The following JARID2 variants were observed in gnomAD, a reference collection of about 807,000 sequenced individuals.
JARID2 encodes the protein jumonji and AT-rich interaction domain containing 2, also known as protein Jumonji.
Under a neutral mutation model 125.6 loss-of-function variants are expected in JARID2, and 21 were observed. The ratio of observed to expected loss-of-function variants is 0.17; its 90% CI spans 0.12 to 0.24. The LOEUF (loss-of-function observed/expected upper bound fraction) is 0.24. JARID2 is among the 10% of genes least tolerant of loss of function. JARID2 has a pLI of 1.00. For synonymous variants in JARID2, 736 were observed against 661.6 expected, an observed-to-expected ratio of 1.11 and a Z score of -1.73; for missense variants, 1,303 against 1,639.6, an observed-to-expected ratio of 0.79 and a Z score of 3.55.
At position 15,469,304 on chromosome 6, in the gene JARID2, GTCTCTC is replaced by G. The variant is rs71897623; in HGVS notation, c.670+594_670+599del. ...TCTCTGTCTCTGTCTCTCTGTCTCT[GTCTCTC>G]TCTCTCTGTCTCTCTCTCTCTCTCT... is the stretch of plus-strand genomic sequence containing the variant. On this transcript the variant is annotated intron_variant, in intron 5 of 17. Transcript: ENST00000341776. Among the ~76,000 whole-genome samples the G allele has an allele frequency of 3.5e-3, 193 of 55,866 alleles. 1 individual carries two copies. The highest frequency in any genetic ancestry group is 0.016 in the African/African-American group (181 of 11,018). 36.7% of individuals were successfully genotyped at this position (55,866 alleles called of 152,430 possible).
chr6:15,498,158 C>T, intron 7 of JARID2, among the ~76,000 whole-genome samples: 1 of 152,210 alleles, frequency 6.6e-6, no homozygotes, highest in East Asian at 1.9e-4. Context: ...TTTTATCCTG[C>T]TCAGCCTTGT....
chr6:15,438,994 T>G (rs962650518), intron 3 of JARID2, among the ~76,000 whole-genome samples: 3 of 147,002 alleles, frequency 2.0e-5, no homozygotes, highest in African/African-American at 7.6e-5. Flanking sequence ...ATCACGCCAC[T>G]GCACTCCAGC....
Position 15,520,180 on chromosome 6 carries a change from G to C in JARID2, c.3670G>C (p.Ala1224Pro). The change falls in exon 18 of 18, where the codon GCG (alanine) becomes CCG (proline). Residue 1224 changes from alanine (A) to proline (P), a missense_variant. Ala to Pro is a conservative substitution (Grantham distance 27, BLOSUM62 -1). Coordinates refer to ENST00000341776, the MANE Select transcript of JARID2 (RefSeq NM_004973.4). ...ACCAAAAAGAGGTCCCCGCAAGAGA[G>C]CGACAGTGGACGTGCCCCCCTCCCG... The part of the protein sequence containing the change: ...PTPKRGPRKR[A>P]TVDVPPSRLS... The C allele has an allele frequency of 1.9e-6, 3 of 1,614,018 alleles. No homozygotes were observed. The highest frequency in any genetic ancestry group is 2.5e-6 in the Non-Finnish European group (3 of 1,179,974).
At chr6:15,295,505 G>C (rs1282592228) in intron 1 of JARID2, among the ~76,000 whole-genome samples, 1 of 152,140 alleles carries the variant, frequency 6.6e-6, no homozygotes, top group East Asian at 1.9e-4. Context: ...ACGGAAAACA[G>C]TGGTTCAGCA....
At chr6:15,326,536 C>T (rs1762539734) in intron 1 of JARID2, among the ~76,000 whole-genome samples, 1 of 152,300 alleles carries the variant, frequency 6.6e-6, no homozygotes, top group Middle Eastern at 3.4e-3. Flanking sequence ...GATTCTGGCT[C>T]TGTAACCCAG....
intron 17 of JARID2, among the ~76,000 whole-genome samples, chr6:15,518,424 A>ACT (rs1389126538): frequency 6.6e-6 from 1 of 151,982 alleles, no homozygotes; most frequent in Non-Finnish European, 1.5e-5. Context: ...GAAACTGCAT[A>ACT]CTCTGTAGTG....
At chr6:15,319,041 A>G (rs1375839681) in intron 1 of JARID2, among the ~76,000 whole-genome samples, 1 of 152,238 alleles carries the variant, frequency 6.6e-6, no homozygotes, top group African/African-American at 2.4e-5. Flanking sequence ...AGGGTAGCAG[A>G]TGAAAAATAA....
At position 15,455,261 on chromosome 6, in the gene JARID2, A is replaced by T. The variant is rs183013170; in HGVS notation, c.493+3086A>T. Among the ~76,000 whole-genome samples the T allele has an allele frequency of 1.9e-3, 284 of 149,232 alleles. 3 individuals carry two copies. In the Middle Eastern group the frequency reaches 0.024, roughly 13 times the overall value. On this transcript the variant is annotated intron_variant, in intron 4 of 17. Transcript: ENST00000341776. ...TGACTTTGGTCTTGCGTGGCTTAAA[A>T]TTTTTTTTTTTAAATGACAAATAAT...
intron 1 of JARID2, chr6:15,248,038 T>C (rs1759252361): frequency 4.1e-6 from 4 of 985,124 alleles, no homozygotes; most frequent in Non-Finnish European, 4.8e-6. Flanking sequence ...CCGGACCTCG[T>C]TGAGGTGGAG....
At chr6:15,486,696 C>A (rs1300322259) in intron 5 of JARID2, among the ~76,000 whole-genome samples, 1 of 152,110 alleles carries the variant, frequency 6.6e-6, no homozygotes, top group East Asian at 1.9e-4. Flanking sequence ...TCATCCCTTT[C>A]TTCATCTCTG....
chr6:15,451,345 A>G (rs1767912767), intron 3 of JARID2, among the ~76,000 whole-genome samples: 2 of 152,214 alleles, frequency 1.3e-5, no homozygotes, highest in Admixed American at 6.5e-5. Context: ...TTCTGTTTTA[A>G]TGTCTACCAA....
Position 15,501,160 on chromosome 6 carries a change from C to A in JARID2, c.2199C>A (p.Arg733=). 1 of 1,614,082 alleles carries A rather than the reference C, an allele frequency of 6.2e-7. No homozygotes were observed. The highest frequency in any genetic ancestry group is 8.5e-7 in the Non-Finnish European group (1 of 1,180,024). ...TGGAGAAGGAGATCCTGGAGAAGCG[C>A]AAGGGGCCGCTGGAAGGCCACACAG... is the stretch of plus-strand genomic sequence containing the variant. The part of the protein sequence containing the change: ...VLMEKEILEK[R]KGPLEGHTEN... Residue 733 remains arginine, a synonymous_variant, in exon 8 of 18, where the codon CGC becomes CGA. Transcript: ENST00000341776.
chr6:15,484,644 T>G (rs898921741), intron 5 of JARID2, among the ~76,000 whole-genome samples: 5 of 152,170 alleles, frequency 3.3e-5, no homozygotes, highest in African/African-American at 1.2e-4. Flanking sequence ...GGAAAACTGA[T>G]GATTAAATAA....
rs747552697 is a variant in JARID2, at chr6:15,478,090, A to C, written c.671-9217A>C. 7.2e-5 allele frequency among the ~76,000 whole-genome samples: 11 copies of C among 152,252 alleles called. 1 individual carries two copies. In the Middle Eastern group the frequency reaches 0.017, roughly 235 times the overall value. ...TGTTCCACTGGCCTCGTAGGGCCTT[A>C]GTGGGGGATATAGGCACACACTTCG... On this transcript the variant is annotated intron_variant, in intron 5 of 17. Transcript: ENST00000341776.
chr6:15,296,744 T>C (rs1039574442), intron 1 of JARID2, among the ~76,000 whole-genome samples: 4 of 152,228 alleles, frequency 2.6e-5, no homozygotes, highest in African/African-American at 9.6e-5. Context: ...CATGTCCCCA[T>C]CGTCCTCTGA....
In JARID2 at chr6:15,374,130, G is replaced by C. The variant is rs1310690857; in HGVS notation, c.59G>C (p.Gly20Ala). 6.2e-7 allele frequency: 1 copy of C among 1,613,810 alleles called. No individual in the cohort carries two copies. The highest frequency in any genetic ancestry group is 8.5e-7 in the Non-Finnish European group (1 of 1,179,876). ...IIQKKYDDSDGIPWSEERVVR... is the reference protein window; with the variant it reads ...IIQKKYDDSDAIPWSEERVVR... ...ATGTTTCTTCAGGATGACAGTGATG[G>C]GATTCCGTGGTCAGAAGAACGGGTG... Residue 20 changes from glycine to alanine, a missense_variant, in exon 2 of 18, where the codon GGG (glycine) becomes GCG (alanine). Physicochemically the swap from Gly to Ala is moderately conservative, Grantham distance 60. Coordinates refer to ENST00000341776, the MANE Select transcript of JARID2 (RefSeq NM_004973.4).
chr6:15,439,250 T>A (rs1272555664), intron 3 of JARID2, among the ~76,000 whole-genome samples: 1 of 152,198 alleles, frequency 6.6e-6, no homozygotes, highest in Non-Finnish European at 1.5e-5. Flanking sequence ...TGAAAAATCT[T>A]ATCATTGGCT....
At chr6:15,248,094 A>C (rs959611157) in intron 1 of JARID2, 10 of 985,032 alleles carry the variant, frequency 1.0e-5, no homozygotes, top group African/African-American at 1.8e-5. Flanking sequence ...CGTTCAGCGG[A>C]TCGTGTCTCC....
chr6:15,441,838 C>G (rs901696421), intron 3 of JARID2, among the ~76,000 whole-genome samples: 2 of 152,044 alleles, frequency 1.3e-5, no homozygotes, highest in African/African-American at 4.8e-5. Context: ...GTTGCCCAGC[C>G]TGGAGTGCAA....
Sources: allele counts gnomAD v4.1 joint callset (sites outside exome capture counted in the v4.1 genomes callset), GRCh38; gene constraint gnomAD v4.1.1; transcripts MANE v1.5; gene names NCBI Gene and HGNC (gene_info 2026-07-23, HGNC 2026-07-21).